The following CORO2B variants were observed in gnomAD, a reference collection of about 807,000 sequenced individuals.
CORO2B encodes the protein coronin-2B.
In CORO2B, 26 loss-of-function variants were observed where a neutral mutation model predicts 58.8. The ratio of observed to expected loss-of-function variants is 0.44; its 90% CI spans 0.32 to 0.61. CORO2B has a LOEUF of 0.61. CORO2B is among the 20% of genes least tolerant of loss of function. The pLI, the probability that CORO2B is intolerant of heterozygous loss-of-function variation, is 0.04. For missense variants in CORO2B, 460 were observed against 645.1 expected (o/e 0.71, Z 3.11); for synonymous variants, 242 against 253.8 (o/e 0.95, Z 0.44).
intron 1 of CORO2B, among the ~76,000 whole-genome samples, chr15:68,601,981 G>C (rs576717598): frequency 3.3e-5 from 5 of 151,878 alleles, no homozygotes; most frequent in African/African-American, 9.7e-5. Flanking sequence ...GAAGGCAGAA[G>C]GCAGAAGGCC....
chr15:68,725,748 AC>A lies in CORO2B; in HGVS notation c.1312-94del. On this transcript the variant is annotated intron_variant, in intron 11 of 11. Coordinates refer to ENST00000261861, the MANE Select transcript of CORO2B (RefSeq NM_006091.5). ...GGGAGGCCTGGGGGAATGTGAGGGC[AC>A]GGGCGGCAGGCAGCTGGAGACTCAC... is the stretch of plus-strand genomic sequence containing the variant. 5.2e-6 allele frequency: 8 copies of A among 1,529,262 alleles called. No individual in the cohort carries two copies. The South Asian group carries it at 7.0e-5, about 13-fold the overall frequency. The allele number at this position is 1,529,262 out of a possible 1,614,324, so 94.7% of individuals were successfully genotyped here. A position where few individuals can be genotyped will look rare whatever the true frequency, so the allele number is the denominator to read the frequency against.
the CORO2B span, among the ~76,000 whole-genome samples, chr15:68,521,182 C>T: frequency 2.0e-5 from 3 of 151,998 alleles, no homozygotes; most frequent in Admixed American, 2.0e-4. Context: ...TTTTCCTAGA[C>T]CTGTTTTATG....
the CORO2B span, among the ~76,000 whole-genome samples, chr15:68,571,741 G>A: frequency 6.6e-6 from 1 of 152,194 alleles, no homozygotes; most frequent in Admixed American, 6.5e-5. Context: ...TGGGAGATAA[G>A]CCTTGTTCTT....
Position 68,719,444 on chromosome 15 carries a change from TAAG to T in CORO2B, c.1207_1209del (p.Lys403del), listed in dbSNP as rs1160675571. ...TGCTGATGTCTTTGAAAGAAGGCTA[TAAG>T]AAGTCCTCAAAAATGGTATTTAAGG... is the stretch of plus-strand genomic sequence containing the variant. On this transcript the variant is annotated inframe_deletion, in exon 11 of 12. Coordinates refer to ENST00000261861, the MANE Select transcript of CORO2B (RefSeq NM_006091.5). 6.2e-7 allele frequency: 1 copy of T among 1,614,172 alleles called. No individual in the cohort carries two copies. Among genetic ancestry groups the T allele is most frequent in the East Asian group, 2.2e-5 (1 of 44,880 alleles).
At chr15:68,600,089 G>A (rs1899943640) in intron 1 of CORO2B, among the ~76,000 whole-genome samples, 1 of 152,110 alleles carries the variant, frequency 6.6e-6, no homozygotes, top group Non-Finnish European at 1.5e-5. Context: ...AGTGCTTCAG[G>A]GATAAAAGAT....
intron 2 of CORO2B, among the ~76,000 whole-genome samples, chr15:68,688,768 T>C (rs1245983067): frequency 6.6e-6 from 1 of 152,204 alleles, no homozygotes; most frequent in Non-Finnish European, 1.5e-5. Flanking sequence ...ACTGTTTCAG[T>C]GTGCTTCTCT....
Position 68,616,614 on chromosome 15 carries a change from G to A in CORO2B, c.16-28546G>A, listed in dbSNP as rs550053592. 2.2e-5 allele frequency: 22 copies of A among 985,458 alleles called. No individual in the cohort carries two copies. In the East Asian group the frequency reaches 5.7e-4, roughly 25 times the overall value. The allele number at this position is 985,458 out of a possible 1,614,324, so 61.0% of individuals were successfully genotyped here. ...CCGCGGTCGAATGATTCTGACAAGC[G>A]GTGAGTACGGCTGTGTCAGCGCGTG... On this transcript the variant is annotated intron_variant, in intron 1 of 11. Coordinates refer to ENST00000261861, the MANE Select transcript of CORO2B (RefSeq NM_006091.5).
the CORO2B span, among the ~76,000 whole-genome samples, chr15:68,558,717 T>C: frequency 1.3e-5 from 2 of 152,122 alleles, no homozygotes; most frequent in Non-Finnish European, 1.5e-5. Flanking sequence ...TGCGATATAA[T>C]AGGGGAGTGT....
chr15:68,611,411 CT>C (rs1394779465), intron 1 of CORO2B, among the ~76,000 whole-genome samples: 2 of 152,112 alleles, frequency 1.3e-5, no homozygotes, highest in East Asian at 1.9e-4. Flanking sequence ...TTTTTTTCCC[CT>C]ATGACTGTAT....
At chr15:68,630,345 A>C (rs549741042) in intron 1 of CORO2B, among the ~76,000 whole-genome samples, 1 of 152,280 alleles carries the variant, frequency 6.6e-6, no homozygotes, top group Non-Finnish European at 1.5e-5. Flanking sequence ...CGGCAACTGC[A>C]TGGCAGGCAC....
intron 1 of CORO2B, among the ~76,000 whole-genome samples, chr15:68,609,827 G>A (rs1008892840): frequency 2.6e-5 from 4 of 152,172 alleles, no homozygotes; most frequent in African/African-American, 4.8e-5. Context: ...TGTGAGCCGC[G>A]TCACTGACTG....
the CORO2B span, among the ~76,000 whole-genome samples, chr15:68,567,003 C>T: frequency 6.6e-6 from 1 of 152,206 alleles, no homozygotes; most frequent in East Asian, 1.9e-4. Context: ...GTCTGAGGTT[C>T]TCTGTTCTCT....
At chr15:68,676,395 G>A (rs1454763467) in intron 2 of CORO2B, among the ~76,000 whole-genome samples, 1 of 152,136 alleles carries the variant, frequency 6.6e-6, no homozygotes, top group Non-Finnish European at 1.5e-5. Context: ...TTTAATTTCC[G>A]GGGGCCAATC....
At chr15:68,711,468 A>G in intron 4 of CORO2B, 74 bp from the exon 5 acceptor site, 2 of 1,392,948 alleles carry the variant, frequency 1.4e-6, no homozygotes, top group Non-Finnish European at 2.0e-6. Flanking sequence ...AGGGCAGTCA[A>G]GTGTGCACTG....
At chr15:68,605,256 A>T (rs1900080493) in intron 1 of CORO2B, among the ~76,000 whole-genome samples, 3 of 152,234 alleles carry the variant, frequency 2.0e-5, no homozygotes, top group African/African-American at 7.2e-5. Flanking sequence ...GGGATCACCC[A>T]TTTGGAGAGC....
intron 1 of CORO2B, among the ~76,000 whole-genome samples, chr15:68,626,570 G>T (rs1338074305): frequency 6.6e-6 from 1 of 152,138 alleles, no homozygotes; most frequent in African/African-American, 2.4e-5. Flanking sequence ...TGACACAGAT[G>T]CGGGACTCCC....
chr15:68,625,308 AC>A (rs67601373), intron 1 of CORO2B, among the ~76,000 whole-genome samples: 14,750 of 151,750 alleles, frequency 0.097, 1,138 homozygotes, highest in African/African-American at 0.21. Context: ...GGTATAATTT[AC>A]ATGCATTAAA....
chr15:68,644,987 G>C (rs1901374805), intron 1 of CORO2B, among the ~76,000 whole-genome samples, 173 bp from the exon 2 acceptor site: 1 of 152,166 alleles, frequency 6.6e-6, no homozygotes, highest in South Asian at 2.1e-4. Flanking sequence ...GGGCATATGA[G>C]TGTGCCCTGA....
chr15:68,579,384 C>T, intron 1 of CORO2B, 107 bp downstream of exon 1: 2 of 1,066,644 alleles, frequency 1.9e-6, no homozygotes, highest in South Asian at 4.2e-5. Context: ...GCGCCGGTGC[C>T]GGGAAGGTGC....
Sources: allele counts gnomAD v4.1 joint callset (sites outside exome capture counted in the v4.1 genomes callset), GRCh38; gene constraint gnomAD v4.1.1; transcripts MANE v1.5; gene names NCBI Gene and HGNC (gene_info 2026-07-23, HGNC 2026-07-21).